Variants in ST3GAL1 observed in about 807,000 individuals in gnomAD.
The protein encoded by ST3GAL1 is ST3 beta-galactoside alpha-2,3-sialyltransferase 1, also known as CMP-N-acetylneuraminate-beta-galactosamide-alpha-2,3-sialyltransferase 1.
ST3GAL1 carries 16 observed loss-of-function variants against 34.1 expected under a neutral mutation model. The ratio of observed to expected loss-of-function variants is 0.47; its 90% CI spans 0.32 to 0.71. The LOEUF (loss-of-function observed/expected upper bound fraction) is 0.71, where lower values mean the gene tolerates loss of function less well. Ranked by LOEUF, ST3GAL1 falls within the 30% of genes least tolerant of loss-of-function variation. The pLI, the probability that ST3GAL1 is intolerant of heterozygous loss-of-function variation, is 0.04. For missense variants in ST3GAL1, 353 were observed against 447.4 expected (o/e 0.79, Z 1.90); for synonymous variants, 191 against 184.7 (o/e 1.03, Z -0.28).
At chr8:133,472,363 C>G (rs1816001727) in intron 5 of ST3GAL1, among the ~76,000 whole-genome samples, 1 of 152,166 alleles carries the variant, frequency 6.6e-6, no homozygotes, top group African/African-American at 2.4e-5. Context: ...ACCCCCTCAA[C>G]AGTATGGGGG....
intron 3 of ST3GAL1, among the ~76,000 whole-genome samples, chr8:133,497,187 C>T (rs1816978111): frequency 6.6e-6 from 1 of 152,180 alleles, no homozygotes; most frequent in Non-Finnish European, 1.5e-5. Flanking sequence ...AGTGTAGTTG[C>T]CAAAACTGTT....
chr8:133,564,995 A>G (rs531931533), intron 1 of ST3GAL1, among the ~76,000 whole-genome samples: 19 of 152,330 alleles, frequency 1.2e-4, no homozygotes, highest in African/African-American at 4.6e-4. Flanking sequence ...ATAAGACACA[A>G]TGGGTTAAAA....
chr8:133,509,492 A>G (rs1269487366), intron 2 of ST3GAL1, among the ~76,000 whole-genome samples: 1 of 152,230 alleles, frequency 6.6e-6, no homozygotes, highest in Non-Finnish European at 1.5e-5. Context: ...AGGATCACAG[A>G]ACATCACTGC....
intron 7 of ST3GAL1, among the ~76,000 whole-genome samples, chr8:133,464,506 G>A (rs7846083): frequency 0.019 from 2,940 of 152,330 alleles, 84 homozygotes; most frequent in African/African-American, 0.066. Context: ...TTCTAGTGGC[G>A]GCCCCTTCCC....
Position 133,466,219 on chromosome 8 carries a change from G to A in ST3GAL1, c.307-129C>T, listed in dbSNP as rs1342378408. 1.1e-5 allele frequency: 10 copies of A among 895,928 alleles called. No homozygotes were observed. The highest frequency in any genetic ancestry group is 2.7e-5 in the East Asian group (1 of 37,512). 55.5% of individuals were successfully genotyped at this position (895,928 alleles called of 1,614,324 possible). A position where few individuals can be genotyped will look rare whatever the true frequency, so the allele number is the denominator to read the frequency against. ...TCACCCTTCTCTCTGCTGGGCCCCC[G>A]GAGATGGAGGCGGCTCACACACAGA... On this transcript the variant is annotated intron_variant, in intron 5 of 9. Coordinates refer to ENST00000522652, the MANE Select transcript of ST3GAL1 (RefSeq NM_173344.3). The surrounding 1 kb of genome is among the most constrained non-coding windows in gnomAD (Gnocchi z 4.4).
intron 2 of ST3GAL1, among the ~76,000 whole-genome samples, chr8:133,523,987 G>A (rs1457777471): frequency 3.3e-5 from 5 of 152,068 alleles, no homozygotes; most frequent in African/African-American, 7.2e-5. Flanking sequence ...CTCCAGTCAG[G>A]GCCAACTCAA....
chr8:133,564,445 A>C (rs891395941), intron 1 of ST3GAL1, among the ~76,000 whole-genome samples: 1 of 152,004 alleles, frequency 6.6e-6, no homozygotes, highest in Non-Finnish European at 1.5e-5. Context: ...CTAGAATCAC[A>C]ATAAAGCCAA....
chr8:133,481,290 T>G lies in ST3GAL1; in HGVS notation c.-373-4690A>C, dbSNP rs149617692. 1.8e-3 allele frequency among the ~76,000 whole-genome samples: 272 copies of G among 152,356 alleles called. 1 individual carries two copies. Among genetic ancestry groups the G allele is most frequent in the African/African-American group, 6.4e-3 (268 of 41,580 alleles). On this transcript the variant is annotated intron_variant, in intron 3 of 9. Coordinates refer to ENST00000522652, the MANE Select transcript of ST3GAL1 (RefSeq NM_173344.3). Reference sequence around the variant, plus strand: ...AACTGCAGCTGTGTTTCACTTTTCATGAAGACTGGTCTATTTCTGGTTTAC... The same window carrying G: ...AACTGCAGCTGTGTTTCACTTTTCAGGAAGACTGGTCTATTTCTGGTTTAC...
chr8:133,494,999 A>C (rs1219535974), intron 3 of ST3GAL1, among the ~76,000 whole-genome samples: 1 of 144,900 alleles, frequency 6.9e-6, no homozygotes, highest in South Asian at 2.2e-4. Flanking sequence ...GCTCACTGCA[A>C]CCTTCACCTC....
At chr8:133,486,144 G>A (rs779444130) in intron 3 of ST3GAL1, among the ~76,000 whole-genome samples, 8 of 152,230 alleles carry the variant, frequency 5.3e-5, no homozygotes, top group Non-Finnish European at 1.2e-4. Context: ...CCCTCGGCCG[G>A]TAGGTGTAAA....
chr8:133,461,890 C>T lies in ST3GAL1; in HGVS notation c.834G>A (p.Met278Ile), dbSNP rs774248995. Reference protein sequence around the residue: ...STGILSVIFSMHVCDEVDLYG... With the variant: ...STGILSVIFSIHVCDEVDLYG... ...GGTGGCATACCTCATCGCAGACATG[C>T]ATTGAGAAGATGACCGAGAGGATGC... The change falls in exon 9 of 10, where the codon ATG becomes ATA. Residue 278 changes from methionine (M) to isoleucine (I), a missense_variant. Coordinates refer to ENST00000522652, the MANE Select transcript of ST3GAL1 (RefSeq NM_173344.3). The surrounding 1 kb of genome is among the most constrained non-coding windows in gnomAD (Gnocchi z 4.7). 14 of 1,614,006 alleles carry T rather than the reference C, an allele frequency of 8.7e-6. No homozygotes were observed. In the Middle Eastern group the frequency reaches 8.2e-4, roughly 95 times the overall value.
chr8:133,540,764 CATATATATATAGAGACAT>C (rs1563733904), intron 2 of ST3GAL1, among the ~76,000 whole-genome samples: 3 of 75,252 alleles, frequency 4.0e-5, no homozygotes, highest in Admixed American at 2.8e-4. Flanking sequence ...TATATATAGA[CATATATATATAGAGACAT>C]ATATATATAT....
intron 1 of ST3GAL1, among the ~76,000 whole-genome samples, chr8:133,562,662 G>T (rs1819262028): frequency 6.6e-6 from 1 of 152,124 alleles, no homozygotes; most frequent in Admixed American, 6.5e-5. Flanking sequence ...CTTTGCCCTT[G>T]TTAGGGCTCC....
chr8:133,549,630 AT>A (rs1818783162), intron 1 of ST3GAL1, among the ~76,000 whole-genome samples: 1 of 151,944 alleles, frequency 6.6e-6, no homozygotes, highest in Admixed American at 6.6e-5. Flanking sequence ...TGGATTCCAA[AT>A]TCCAACTGAC....
At chr8:133,507,305 G>A (rs185672668) in intron 2 of ST3GAL1, among the ~76,000 whole-genome samples, 252 of 152,372 alleles carry the variant, frequency 1.7e-3, no homozygotes, top group African/African-American at 5.5e-3. Context: ...AAGTCCTGCA[G>A]TGCCTTCTGG....
In ST3GAL1 at chr8:133,571,140, A is replaced by G. The variant is rs964206828; in HGVS notation, c.-582+553T>C. ...GCGCCTGCTTGCAGCGGATTGGGGG[A>G]CTCGATCCGGATACTGTCCCACGGC... On this transcript the variant is annotated intron_variant, in intron 1 of 9. Transcript: ENST00000522652. The surrounding 1 kb of genome is among the most constrained non-coding windows in gnomAD (Gnocchi z 6.7). Among the ~76,000 whole-genome samples, 1 of 151,842 alleles carries G rather than the reference A, an allele frequency of 6.6e-6. No individual in the cohort carries two copies. The highest frequency in any genetic ancestry group is 1.5e-5 in the Non-Finnish European group (1 of 67,952).
intron 2 of ST3GAL1, among the ~76,000 whole-genome samples, chr8:133,501,621 C>T (rs942614816): frequency 6.6e-6 from 1 of 151,972 alleles, no homozygotes; most frequent in South Asian, 2.1e-4. Flanking sequence ...TGGTGGCAGG[C>T]GTCTGTAATC....
intron 1 of ST3GAL1, among the ~76,000 whole-genome samples, chr8:133,567,802 C>T (rs1374636123): frequency 6.6e-5 from 10 of 152,230 alleles, no homozygotes; most frequent in East Asian, 1.9e-4. Flanking sequence ...TCTGTGATAC[C>T]GGGAGGGTTT....
chr8:133,510,268 T>C (rs1021308971), intron 2 of ST3GAL1, among the ~76,000 whole-genome samples: 1 of 152,138 alleles, frequency 6.6e-6, no homozygotes, highest in African/African-American at 2.4e-5. Flanking sequence ...CCAGCTCCAC[T>C]TCCCAAAGTG....
Sources: gnomAD v4.1 joint callset for allele counts (sites outside exome capture counted in the v4.1 genomes callset) on GRCh38, gnomAD v4.1.1 for gene constraint, Gnocchi (gnomAD v3.1) non-coding constraint, MANE v1.5 for transcripts, NCBI Gene and HGNC (gene_info 2026-07-23, HGNC 2026-07-21) for gene names.